Variants in KCTD8 observed in about 807,000 individuals in gnomAD.
KCTD8 encodes the protein potassium channel tetramerization domain containing 8.
In KCTD8, 27 loss-of-function variants were observed where a neutral mutation model predicts 31.5. The ratio of observed to expected loss-of-function variants is 0.86; its 90% CI spans 0.63 to 1.18. The LOEUF is 1.18. Among genes scored for constraint, KCTD8 ranks in the 50% most tolerant of loss-of-function variants. The pLI is 0.00. For synonymous variants in KCTD8, 290 were observed against 280.0 expected, an observed-to-expected ratio of 1.04 and a Z score of -0.36; for missense variants, 658 against 647.7, an observed-to-expected ratio of 1.02 and a Z score of -0.17.
intron 1 of KCTD8, among the ~76,000 whole-genome samples, chr4:44,315,445 A>C (rs1013851614): frequency 6.6e-6 from 1 of 152,146 alleles, no homozygotes; most frequent in Non-Finnish European, 1.5e-5. Context: ...TATGTACCAC[A>C]GAATTAAAAA....
At chr4:44,409,528 A>G (rs981617106) in intron 1 of KCTD8, among the ~76,000 whole-genome samples, 8 of 152,130 alleles carry the variant, frequency 5.3e-5, no homozygotes, top group African/African-American at 1.7e-4. Context: ...TGGGGAAAGA[A>G]AGGCATTCAG....
intron 1 of KCTD8, among the ~76,000 whole-genome samples, chr4:44,240,540 T>C (rs1715428356): frequency 6.6e-6 from 1 of 152,234 alleles, no homozygotes. Flanking sequence ...CTCGATATGT[T>C]GTTGCCCAGG....
intron 1 of KCTD8, among the ~76,000 whole-genome samples, chr4:44,222,511 T>C (rs1204761741): frequency 6.6e-6 from 1 of 152,148 alleles, no homozygotes; most frequent in Non-Finnish European, 1.5e-5. Context: ...AGCTGGAGAA[T>C]CCATGGATTG....
At chr4:44,263,520 T>C (rs1716244337) in intron 1 of KCTD8, among the ~76,000 whole-genome samples, 1 of 152,196 alleles carries the variant, frequency 6.6e-6, no homozygotes, top group Non-Finnish European at 1.5e-5. Flanking sequence ...TGGATTATTA[T>C]ACAATTTAGT....
chr4:44,334,781 T>C (rs1212162434), intron 1 of KCTD8, among the ~76,000 whole-genome samples: 14 of 152,100 alleles, frequency 9.2e-5, no homozygotes, highest in Admixed American at 9.2e-4. Context: ...ATAGTAACTG[T>C]CATGAATTAT....
At chr4:44,415,726 C>G (rs940777886) in intron 1 of KCTD8, among the ~76,000 whole-genome samples, 2 of 152,158 alleles carry the variant, frequency 1.3e-5, no homozygotes, top group African/African-American at 2.4e-5. Flanking sequence ...TGCAGGCAAA[C>G]AGAATGCAAA....
chr4:44,227,786 T>C (rs1034099065), intron 1 of KCTD8, among the ~76,000 whole-genome samples: 2 of 152,166 alleles, frequency 1.3e-5, no homozygotes, highest in African/African-American at 4.8e-5. Flanking sequence ...TAAGATGCAA[T>C]TCACCTACAA....
intron 1 of KCTD8, among the ~76,000 whole-genome samples, chr4:44,245,152 C>T (rs920459302): frequency 6.6e-6 from 1 of 152,028 alleles, no homozygotes; most frequent in Non-Finnish European, 1.5e-5. Flanking sequence ...GTCTATAAAA[C>T]ACATCCAGAA....
chr4:44,182,662 G>C (rs1302501277), intron 1 of KCTD8, among the ~76,000 whole-genome samples: 1 of 152,118 alleles, frequency 6.6e-6, no homozygotes, highest in African/African-American at 2.4e-5. Context: ...GAAGGCCACA[G>C]GGTCCTCTGC....
At chr4:44,391,197 G>T (rs2109450140) in intron 1 of KCTD8, among the ~76,000 whole-genome samples, 1 of 151,996 alleles carries the variant, frequency 6.6e-6, no homozygotes, top group South Asian at 2.1e-4. Context: ...GTGGGTGAGG[G>T]ATAAAAGACT....
chr4:44,258,082 G>A (rs1365867465), intron 1 of KCTD8, among the ~76,000 whole-genome samples: 3 of 151,938 alleles, frequency 2.0e-5, no homozygotes, highest in African/African-American at 7.2e-5. Context: ...CTGAGGGAAG[G>A]TAACACAGAA....
intron 1 of KCTD8, among the ~76,000 whole-genome samples, chr4:44,237,030 GTTTTTC>G (rs1180278740): frequency 6.6e-6 from 1 of 152,138 alleles, no homozygotes; most frequent in Non-Finnish European, 1.5e-5. Context: ...CATTAAACCT[GTTTTTC>G]TTTTTAAATC....
chr4:44,407,358 C>T (rs536206361), intron 1 of KCTD8, among the ~76,000 whole-genome samples: 1 of 151,626 alleles, frequency 6.6e-6, no homozygotes, highest in African/African-American at 2.4e-5. Context: ...CCGATATAGT[C>T]ATGACATTAA....
At chr4:44,393,015 T>C (rs1720410733) in intron 1 of KCTD8, among the ~76,000 whole-genome samples, 1 of 152,072 alleles carries the variant, frequency 6.6e-6, no homozygotes, top group South Asian at 2.1e-4. Context: ...CACCACTATG[T>C]CATTTGAGAA....
At chr4:44,413,179 C>A (rs1560448823) in intron 1 of KCTD8, among the ~76,000 whole-genome samples, 1 of 152,078 alleles carries the variant, frequency 6.6e-6, no homozygotes, top group East Asian at 1.9e-4. Flanking sequence ...TGCAAGTTCC[C>A]AGAGAGGAAA....
chr4:44,301,240 G>A (rs2109392483), intron 1 of KCTD8, among the ~76,000 whole-genome samples: 2 of 152,324 alleles, frequency 1.3e-5, no homozygotes, highest in South Asian at 4.1e-4. Flanking sequence ...CCAGTAATGG[G>A]ATGGCTGGGT....
At chr4:44,324,681 A>G (rs1205789809) in intron 1 of KCTD8, among the ~76,000 whole-genome samples, 2 of 151,958 alleles carry the variant, frequency 1.3e-5, no homozygotes, top group African/African-American at 2.4e-5. Flanking sequence ...TTTTCCTTAT[A>G]GTATTTTAGG....
intron 1 of KCTD8, among the ~76,000 whole-genome samples, chr4:44,409,828 C>G (rs375434365): frequency 9.3e-4 from 137 of 146,972 alleles, no homozygotes; most frequent in African/African-American, 3.3e-3. Flanking sequence ...ATAGTGATTA[C>G]AGGACTGGGA....
intron 1 of KCTD8, chr4:44,293,296 A>G (rs189412944): frequency 6.7e-6 from 2 of 296,720 alleles, no homozygotes; most frequent in South Asian, 6.0e-5. Context: ...AAATATAGTC[A>G]ACCAAATTAC....
Sources: allele counts gnomAD v4.1 joint callset (sites outside exome capture counted in the v4.1 genomes callset), GRCh38; gene constraint gnomAD v4.1.1; transcripts MANE v1.5; gene names NCBI Gene and HGNC (gene_info 2026-07-23, HGNC 2026-07-21).